Variants in RORB observed in about 807,000 individuals in gnomAD.
RORB encodes the protein RAR related orphan receptor B.
A neutral mutation model predicts 59.1 loss-of-function variants in RORB; 6 were observed. The ratio of observed to expected loss-of-function variants is 0.10; its 90% confidence interval spans 0.06 to 0.20. The LOEUF is 0.20. Among genes scored for constraint, RORB ranks in the 10% least tolerant of loss-of-function variants. The probability of loss-of-function intolerance (pLI) is 1.00; values close to 1 mark genes in which losing one functional copy is unlikely to be tolerated. For synonymous variants in RORB, 215 were observed against 204.5 expected (o/e 1.05, Z -0.44); for missense variants, 320 against 560.5 (o/e 0.57, Z 4.33).
At chr9:74,650,327 A>G (rs926439822) in intron 4 of RORB, among the ~76,000 whole-genome samples, 1 of 152,210 alleles carries the variant, frequency 6.6e-6, no homozygotes, top group African/African-American at 2.4e-5. Flanking sequence ...GGGTGAATGT[A>G]TTAGCCACAT....
intron 4 of RORB, among the ~76,000 whole-genome samples, chr9:74,649,529 G>A (rs1181059704): frequency 6.6e-6 from 1 of 152,104 alleles, no homozygotes; most frequent in Non-Finnish European, 1.5e-5. Flanking sequence ...GATACCTGGA[G>A]CCACGGACTG....
intron 1 of RORB, among the ~76,000 whole-genome samples, chr9:74,614,105 T>C (rs945654313): frequency 1.1e-4 from 17 of 152,190 alleles, no homozygotes; most frequent in African/African-American, 4.1e-4. Context: ...ATGGGATTGC[T>C]GGGTTGAATG....
chr9:74,575,980 CT>C (rs1822628838), intron 1 of RORB, among the ~76,000 whole-genome samples: 1 of 152,080 alleles, frequency 6.6e-6, no homozygotes, highest in African/African-American at 2.4e-5. Context: ...AAATAATGGT[CT>C]TCTTCAAGGT....
At chr9:74,612,387 G>A (rs955206103) in intron 1 of RORB, among the ~76,000 whole-genome samples, 1 of 152,126 alleles carries the variant, frequency 6.6e-6, no homozygotes, top group African/African-American at 2.4e-5. Context: ...GGCCAAGGAG[G>A]AGCTTGGGTT....
intron 1 of RORB, among the ~76,000 whole-genome samples, chr9:74,513,441 C>T (rs898801050): frequency 6.6e-6 from 1 of 151,848 alleles, no homozygotes; most frequent in African/African-American, 2.4e-5. Context: ...TTTGCACCAA[C>T]CTAATAAATA....
At position 74,577,137 on chromosome 9, in the gene RORB, C is replaced by T. The variant is rs534677648; in HGVS notation, c.8-53145C>T. 2.9e-4 allele frequency among the ~76,000 whole-genome samples: 44 copies of T among 152,218 alleles called. 1 individual carries two copies. The highest frequency in any genetic ancestry group is 2.5e-3 in the South Asian group (12 of 4,830). On this transcript the variant is annotated intron_variant, in intron 1 of 9. Coordinates refer to ENST00000376896, the MANE Select transcript of RORB (RefSeq NM_006914.4). ...TGTTTACCCATTAAAAACTATGTTG[C>T]TTATCTTCTTACACACTGAAGCAAT...
intron 1 of RORB, among the ~76,000 whole-genome samples, chr9:74,600,323 T>C (rs1034312127): frequency 5.9e-5 from 9 of 152,230 alleles, no homozygotes; most frequent in African/African-American, 1.9e-4. Flanking sequence ...AGACCAAAAA[T>C]ATTTTCAGAC....
rs1825737053 is a variant in RORB, at chr9:74,497,966, G to C, written c.-11G>C. The C allele has an allele frequency of 6.2e-7, 1 of 1,611,936 alleles. No homozygotes were observed. Among genetic ancestry groups the C allele is most frequent in the African/African-American group, 1.3e-5 (1 of 74,916 alleles). Reference sequence around the variant, plus strand: ...CTTCATGACTACGCGGAGCGGGAGAGCGGCCACACCATGCGAGGTAAGCGA... The same window carrying C: ...CTTCATGACTACGCGGAGCGGGAGACCGGCCACACCATGCGAGGTAAGCGA... On this transcript the variant is annotated 5_prime_UTR_variant, in exon 1 of 10. Coordinates refer to ENST00000376896, the MANE Select transcript of RORB (RefSeq NM_006914.4).
intron 1 of RORB, chr9:74,499,162 C>G (rs1237522565): frequency 1.3e-5 from 2 of 152,558 alleles, no homozygotes; most frequent in South Asian, 2.1e-4. Flanking sequence ...TCGCACGTAC[C>G]CCTGGGTCTT....
intron 2 of RORB, among the ~76,000 whole-genome samples, chr9:74,630,682 G>A (rs1415389885): frequency 6.6e-6 from 1 of 151,912 alleles, no homozygotes; most frequent in Non-Finnish European, 1.5e-5. Context: ...AAATTCCAAG[G>A]CACTTATTAC....
At chr9:74,630,418 T>C in intron 2 of RORB, 51 bp downstream of exon 2, 1 of 1,391,676 alleles carries the variant, frequency 7.2e-7, no homozygotes, top group Non-Finnish European at 9.9e-7. Flanking sequence ...GGCATCTGTG[T>C]ACCTCACAAG....
chr9:74,619,748 G>A (rs1413891450), intron 1 of RORB, among the ~76,000 whole-genome samples: 1 of 152,152 alleles, frequency 6.6e-6, no homozygotes, highest in Non-Finnish European at 1.5e-5. Context: ...TTCTTAGCAT[G>A]AAGGGCTGTT....
intron 1 of RORB, among the ~76,000 whole-genome samples, chr9:74,569,967 C>T (rs555436530): frequency 2.6e-4 from 40 of 151,948 alleles, no homozygotes; most frequent in Non-Finnish European, 2.2e-4. Flanking sequence ...TTCTCCTCCC[C>T]TCCTATGTTC....
chr9:74,570,308 T>C (rs1822532232), intron 1 of RORB, among the ~76,000 whole-genome samples: 1 of 152,126 alleles, frequency 6.6e-6, no homozygotes, highest in Admixed American at 6.5e-5. Context: ...TAAATGAATA[T>C]GTATTTGTCA....
At chr9:74,638,426 C>T (rs150265733) in intron 3 of RORB, among the ~76,000 whole-genome samples, 220 of 152,274 alleles carry the variant, frequency 1.4e-3, no homozygotes, top group African/African-American at 4.9e-3. Flanking sequence ...TGAGCAAATA[C>T]CACATCATTG....
rs749975890 is a variant in RORB at position 74,692,930 on chromosome 9, G to C, written c.*7312G>C. ...GAGTCATTTAGGAAGTAAGTATTGA[G>C]TTTTTTTAATCATAAATATACTAGA... On this transcript the variant is annotated 3_prime_UTR_variant, in exon 10 of 10. Coordinates refer to ENST00000376896, the MANE Select transcript of RORB (RefSeq NM_006914.4). 3.9e-5 allele frequency: 6 copies of C among 151,982 alleles called. No homozygotes were observed. The highest frequency in any genetic ancestry group is 4.8e-5 in the African/African-American group (2 of 41,388). 9.4% of individuals were successfully genotyped at this position (151,982 alleles called of 1,614,324 possible).
intron 1 of RORB, among the ~76,000 whole-genome samples, chr9:74,516,016 T>C (rs1309822921): frequency 1.3e-5 from 2 of 152,086 alleles, no homozygotes; most frequent in African/African-American, 4.8e-5. Flanking sequence ...CTCTACTCTA[T>C]GTGTCAGACT....
chr9:74,594,232 T>C (rs951451684), intron 1 of RORB, among the ~76,000 whole-genome samples: 1 of 152,194 alleles, frequency 6.6e-6, no homozygotes, highest in Non-Finnish European at 1.5e-5. Context: ...TTTGCACGAG[T>C]GAGACCTTTG....
intron 1 of RORB, among the ~76,000 whole-genome samples, chr9:74,594,214 A>C (rs112396941): frequency 1.5e-4 from 23 of 152,342 alleles, no homozygotes; most frequent in African/African-American, 5.3e-4. Flanking sequence ...TGAGTTATCC[A>C]TATGCCTTTT....
Sources: gnomAD v4.1 joint callset for allele counts (sites outside exome capture counted in the v4.1 genomes callset) on GRCh38, gnomAD v4.1.1 for gene constraint, MANE v1.5 for transcripts, NCBI Gene and HGNC (gene_info 2026-07-23, HGNC 2026-07-21) for gene names.